ZBTB20: variants seen among roughly 807,000 people sequenced by gnomAD.
The protein encoded by ZBTB20 is zinc finger and BTB domain containing 20, also known as zinc finger and BTB domain-containing protein 20.
A neutral mutation model predicts 56.9 loss-of-function variants in ZBTB20; 9 were observed. The observed-to-expected ratio is 0.16, with a 90% CI of 0.10 to 0.28. The LOEUF is 0.28. Ranked by LOEUF, ZBTB20 falls within the 10% of genes least tolerant of loss-of-function variation. ZBTB20 has a pLI of 1.00. For synonymous variants in ZBTB20, 417 were observed against 420.7 expected, an observed-to-expected ratio of 0.99 and a Z score of 0.11; for missense variants, 655 against 1,003.0, an observed-to-expected ratio of 0.65 and a Z score of 4.69.
intron 5 of ZBTB20, among the ~76,000 whole-genome samples, chr3:114,696,792 C>A (rs1469352247): frequency 6.6e-6 from 1 of 151,686 alleles, no homozygotes; most frequent in Non-Finnish European, 1.5e-5. Flanking sequence ...GAGCGAAGGG[C>A]TACAGAAAGA....
chr3:114,820,200 T>C (rs2073160031), intron 4 of ZBTB20, among the ~76,000 whole-genome samples: 1 of 151,844 alleles, frequency 6.6e-6, no homozygotes. Context: ...GAAATAATAG[T>C]GGAAAATGAC....
At chr3:114,830,881 T>C (rs2073802553) in intron 4 of ZBTB20, among the ~76,000 whole-genome samples, 1 of 151,806 alleles carries the variant, frequency 6.6e-6, no homozygotes, top group African/African-American at 2.4e-5. Context: ...TCTGTAGCAA[T>C]AGGGACCAGT....
chr3:114,797,669 G>A (rs1310814962), intron 5 of ZBTB20, among the ~76,000 whole-genome samples: 1 of 151,870 alleles, frequency 6.6e-6, no homozygotes, highest in Non-Finnish European at 1.5e-5. Flanking sequence ...TAAAGGAAAG[G>A]GAGAAGAGGT....
chr3:114,386,681 A>G (rs929306195), intron 8 of ZBTB20, among the ~76,000 whole-genome samples: 1 of 152,168 alleles, frequency 6.6e-6, no homozygotes, highest in Admixed American at 6.5e-5. Context: ...GGGAAGCCCA[A>G]GGACAAGAGA....
intron 5 of ZBTB20, among the ~76,000 whole-genome samples, chr3:114,787,331 TTATATATATATATATATATA>T (rs138181405): frequency 6.0e-5 from 6 of 100,602 alleles, no homozygotes; most frequent in Admixed American, 3.0e-4. Context: ...TCTTAAAAGG[TTATATATATATATATATATA>T]TATATATATA....
At chr3:114,759,890 G>A (rs2068312801) in intron 5 of ZBTB20, among the ~76,000 whole-genome samples, 1 of 152,040 alleles carries the variant, frequency 6.6e-6, no homozygotes, top group Admixed American at 6.6e-5. Context: ...CAGATAGTGT[G>A]CAAATAAAAA....
chr3:114,691,446 T>TA, intron 6 of ZBTB20, among the ~76,000 whole-genome samples: 1 of 152,096 alleles, frequency 6.6e-6, no homozygotes, highest in Non-Finnish European at 1.5e-5. Flanking sequence ...TAAGATTTTT[T>TA]ATCATAAAAA....
intron 6 of ZBTB20, among the ~76,000 whole-genome samples, chr3:114,550,361 T>C (rs1252537732): frequency 6.6e-6 from 1 of 152,216 alleles, no homozygotes; most frequent in South Asian, 2.1e-4. Flanking sequence ...ACTTTTTCCA[T>C]AGTTTGGTTG....
intron 2 of ZBTB20, among the ~76,000 whole-genome samples, chr3:115,024,862 A>G (rs1417985344): frequency 2.0e-5 from 3 of 151,244 alleles, no homozygotes; most frequent in Non-Finnish European, 3.0e-5. Flanking sequence ...TGTTGTTAGT[A>G]GTAGTAGTTA....
intron 6 of ZBTB20, among the ~76,000 whole-genome samples, chr3:114,596,806 A>C (rs374569660): frequency 6.6e-6 from 1 of 152,202 alleles, no homozygotes; most frequent in Non-Finnish European, 1.5e-5. Context: ...CTGACATGAA[A>C]GCATGTGGCA....
chr3:114,989,186 T>C (rs560203608), intron 2 of ZBTB20, among the ~76,000 whole-genome samples: 1 of 152,302 alleles, frequency 6.6e-6, no homozygotes, highest in East Asian at 1.9e-4. Context: ...CATGCCTATG[T>C]CCTGAATGGT....
At position 114,611,480 on chromosome 3, in the gene ZBTB20, T is replaced by C. The variant is rs141539758; in HGVS notation, c.-295+82048A>G. On this transcript the variant is annotated intron_variant, in intron 6 of 11. Coordinates refer to ENST00000675478, the MANE Select transcript of ZBTB20 (RefSeq NM_001348800.3). Reference sequence around the variant, plus strand: ...CATACTATAACAAAGCTCTCACAGGTTGGAGGCTTCAGTGAGCCTGAGGGC... The same window carrying C: ...CATACTATAACAAAGCTCTCACAGGCTGGAGGCTTCAGTGAGCCTGAGGGC... 9.0e-3 allele frequency among the ~76,000 whole-genome samples: 1,373 copies of C among 152,254 alleles called. 22 individuals carry two copies. The highest frequency in any genetic ancestry group is 0.03 in the African/African-American group (1,246 of 41,540).
chr3:115,056,869 C>T (rs2081811560), intron 2 of ZBTB20, among the ~76,000 whole-genome samples: 2 of 152,052 alleles, frequency 1.3e-5, no homozygotes, highest in South Asian at 2.1e-4. Context: ...GAATAATGTA[C>T]TCTCTTTATT....
chr3:114,928,279 G>C (rs1289164928), intron 3 of ZBTB20, among the ~76,000 whole-genome samples: 1 of 152,208 alleles, frequency 6.6e-6, no homozygotes, highest in Non-Finnish European at 1.5e-5. Context: ...TTTCTAAGTC[G>C]AAGGCTGCAG....
intron 6 of ZBTB20, among the ~76,000 whole-genome samples, chr3:114,602,434 A>C (rs1306414629): frequency 1.3e-5 from 2 of 151,796 alleles, no homozygotes; most frequent in Non-Finnish European, 2.9e-5. Context: ...TTTAAGGCTC[A>C]CTCCTAACTG....
At chr3:114,928,508 T>C (rs1446355418) in intron 3 of ZBTB20, among the ~76,000 whole-genome samples, 1 of 152,324 alleles carries the variant, frequency 6.6e-6, no homozygotes, top group African/African-American at 2.4e-5. Flanking sequence ...TTCTAAAAAA[T>C]AAATTTGGCA....
intron 6 of ZBTB20, among the ~76,000 whole-genome samples, chr3:114,531,605 A>G (rs751378813): frequency 3.9e-5 from 6 of 152,198 alleles, no homozygotes; most frequent in Non-Finnish European, 8.8e-5. Context: ...CAATGGAAAG[A>G]AAGATTTTTG....
At chr3:114,651,691 C>T (rs2060142669) in intron 6 of ZBTB20, among the ~76,000 whole-genome samples, 1 of 151,838 alleles carries the variant, frequency 6.6e-6, no homozygotes, top group Non-Finnish European at 1.5e-5. Context: ...CTCCCTCTTG[C>T]TCAAGAAATA....
intron 10 of ZBTB20, chr3:114,375,875 C>T (rs2083562771): frequency 6.6e-6 from 1 of 152,160 alleles, no homozygotes; most frequent in South Asian, 2.1e-4. Context: ...CACAGTATGT[C>T]ATCTATTAGG....
Sources: gnomAD v4.1 joint callset for allele counts (sites outside exome capture counted in the v4.1 genomes callset) on GRCh38, gnomAD v4.1.1 for gene constraint, MANE v1.5 for transcripts, NCBI Gene and HGNC (gene_info 2026-07-23, HGNC 2026-07-21) for gene names.